ZNF385D: variants seen among roughly 807,000 people sequenced by gnomAD.
ZNF385D encodes the protein zinc finger protein 659.
ZNF385D carries 15 observed loss-of-function variants against 35.8 expected under a neutral mutation model. That is an observed-to-expected ratio of 0.42 (90% CI 0.28 to 0.64). The LOEUF is 0.64. Ranked by LOEUF, ZNF385D falls within the 30% of genes least tolerant of loss-of-function variation. ZNF385D has a pLI of 0.23. For synonymous variants in ZNF385D, 212 were observed against 186.8 expected, an observed-to-expected ratio of 1.13 and a Z score of -1.10; for missense variants, 474 against 494.6, an observed-to-expected ratio of 0.96 and a Z score of 0.39.
intron 1 of ZNF385D, among the ~76,000 whole-genome samples, chr3:21,695,002 T>C (rs2067421467): frequency 6.6e-6 from 1 of 152,174 alleles, no homozygotes; most frequent in African/African-American, 2.4e-5. Context: ...CACCACAAAA[T>C]TGCTTCTGTG....
chr3:22,074,613 G>C (rs762984401), intron 3 of ZNF385D, among the ~76,000 whole-genome samples: 12 of 151,808 alleles, frequency 7.9e-5, no homozygotes, highest in Admixed American at 2.0e-4. Context: ...TATTTCCATA[G>C]TTTGTTTAAT....
intron 3 of ZNF385D, among the ~76,000 whole-genome samples, chr3:22,144,142 G>T (rs1471962588): frequency 2.0e-5 from 3 of 152,054 alleles, no homozygotes; most frequent in African/African-American, 4.8e-5. Context: ...AACTACAAAA[G>T]AATTCAATTT....
chr3:22,255,278 C>G (rs1055842821), intron 2 of ZNF385D, among the ~76,000 whole-genome samples: 1 of 151,374 alleles, frequency 6.6e-6, no homozygotes, highest in Non-Finnish European at 1.5e-5. Context: ...TATTCCCCCC[C>G]CCAAAATTGT....
intron 1 of ZNF385D, among the ~76,000 whole-genome samples, chr3:21,735,228 GT>G (rs2069190645): frequency 6.6e-6 from 1 of 152,080 alleles, no homozygotes; most frequent in African/African-American, 2.4e-5. Context: ...TTTTAAATCT[GT>G]AAAATGAAAA....
At chr3:21,761,722 A>C (rs2070617976) in intron 3 of ZNF385D, among the ~76,000 whole-genome samples, 1 of 151,178 alleles carries the variant, frequency 6.6e-6, no homozygotes, top group Admixed American at 6.6e-5. Context: ...AATAATAGTC[A>C]TGAGAGAATG....
intron 3 of ZNF385D, among the ~76,000 whole-genome samples, chr3:21,807,414 C>T (rs1408968297): frequency 6.6e-6 from 1 of 152,064 alleles, no homozygotes; most frequent in Non-Finnish European, 1.5e-5. Flanking sequence ...TAAACAATTG[C>T]AATCATTTAT....
chr3:22,352,940 C>T (rs1230329584), intron 2 of ZNF385D, among the ~76,000 whole-genome samples: 2 of 152,146 alleles, frequency 1.3e-5, no homozygotes, highest in African/African-American at 4.8e-5. Flanking sequence ...TCTCTTCCTT[C>T]CCTCCAAGCC....
At chr3:21,742,620 G>T (rs868435344) in intron 1 of ZNF385D, among the ~76,000 whole-genome samples, 3 of 152,162 alleles carry the variant, frequency 2.0e-5, no homozygotes, top group Admixed American at 6.5e-5. Context: ...AGAAACCAGG[G>T]TATTTTTCTG....
chr3:21,585,624 G>A (rs2063787106), intron 2 of ZNF385D, among the ~76,000 whole-genome samples: 1 of 152,132 alleles, frequency 6.6e-6, no homozygotes, highest in African/African-American at 2.4e-5. Context: ...GGATAGTGAT[G>A]TTAACTCTTA....
chr3:21,863,348 T>C lies in ZNF385D; in HGVS notation c.326-198320A>G, dbSNP rs187687217. On this transcript the variant is annotated intron_variant, in intron 3 of 5. Transcript: ENST00000494108. ...AGTGTAAGCATTTCATTATAACTTG[T>C]AATATATTTTCTCTTTTTCTGAGCC... Among the ~76,000 whole-genome samples, 3 of 152,312 alleles carry C rather than the reference T, an allele frequency of 2.0e-5. No individual in the cohort carries two copies. In the East Asian group the frequency reaches 5.8e-4, roughly 29 times the overall value.
intron 4 of ZNF385D, among the ~76,000 whole-genome samples, chr3:21,496,517 C>T (rs866418008): frequency 1.7e-5 from 2 of 120,802 alleles, no homozygotes; most frequent in Non-Finnish European, 3.4e-5. Flanking sequence ...TATATATATA[C>T]ACATATATTT....
intron 4 of ZNF385D, among the ~76,000 whole-genome samples, chr3:21,444,694 C>G (rs1702053542): frequency 6.6e-6 from 1 of 152,114 alleles, no homozygotes; most frequent in Non-Finnish European, 1.5e-5. Context: ...GCTGAATTTC[C>G]CTATTGATGC....
chr3:21,545,238 C>CT (rs1263749029), intron 3 of ZNF385D, among the ~76,000 whole-genome samples: 1 of 152,122 alleles, frequency 6.6e-6, no homozygotes, highest in Non-Finnish European at 1.5e-5. Flanking sequence ...AGCTATAGAA[C>CT]TTTAACAGGT....
rs543108449 is a variant in ZNF385D at position 22,073,156 on chromosome 3, C to G, written c.325+95661G>C. ...GCCCTCAGAATTTACCTGCTTGAAACAAAGCTAAGTTCTGGTCAAAATCTA... is the reference window on the plus strand; with the variant it reads ...GCCCTCAGAATTTACCTGCTTGAAAGAAAGCTAAGTTCTGGTCAAAATCTA... On this transcript the variant is annotated intron_variant, in intron 3 of 5. Coordinates refer to the ZNF385D transcript ENST00000494108. Among the ~76,000 whole-genome samples the G allele has an allele frequency of 4.6e-5, 7 of 152,042 alleles. No homozygotes were observed. In the South Asian group the frequency reaches 1.5e-3, roughly 32 times the overall value.
At chr3:22,272,805 T>C (rs1308088188) in intron 2 of ZNF385D, among the ~76,000 whole-genome samples, 1 of 152,066 alleles carries the variant, frequency 6.6e-6, no homozygotes, top group East Asian at 1.9e-4. Flanking sequence ...TTATCTTACA[T>C]ATCTGTATCT....
intron 2 of ZNF385D, among the ~76,000 whole-genome samples, chr3:22,222,160 A>G (rs1698296376): frequency 6.6e-6 from 1 of 151,960 alleles, no homozygotes; most frequent in African/African-American, 2.4e-5. Flanking sequence ...TATTTTTAGT[A>G]GAGATGGGGA....
chr3:22,215,584 AC>A (rs1438590562), intron 2 of ZNF385D, among the ~76,000 whole-genome samples: 1 of 151,864 alleles, frequency 6.6e-6, no homozygotes, highest in Non-Finnish European at 1.5e-5. Context: ...CTGCTCTCAA[AC>A]CCTGTCTCCT....
At chr3:21,750,674 T>G (rs975724664) in intron 1 of ZNF385D, among the ~76,000 whole-genome samples, 1 of 133,016 alleles carries the variant, frequency 7.5e-6, no homozygotes, top group African/African-American at 2.6e-5. Flanking sequence ...TGTCCCTGTC[T>G]CTTTTCTTTT....
At chr3:22,104,658 G>A (rs1006054935) in intron 3 of ZNF385D, among the ~76,000 whole-genome samples, 5 of 151,024 alleles carry the variant, frequency 3.3e-5, no homozygotes, top group Non-Finnish European at 5.9e-5. Flanking sequence ...ACGAAAATGA[G>A]TCAGAAGTTG....
Sources: gnomAD v4.1 joint callset for allele counts (sites outside exome capture counted in the v4.1 genomes callset) on GRCh38, gnomAD v4.1.1 for gene constraint, MANE v1.5 for transcripts, NCBI Gene and HGNC (gene_info 2026-07-23, HGNC 2026-07-21) for gene names.